TMC1: variants seen among roughly 807,000 people sequenced by gnomAD.
TMC1 encodes the protein transmembrane channel-like protein 1.
A neutral mutation model predicts 105.8 loss-of-function variants in TMC1; 84 were observed. The observed-to-expected ratio is 0.79, with a 90% CI of 0.67 to 0.95. The LOEUF (loss-of-function observed/expected upper bound fraction) is 0.95. TMC1 is among the 40% of genes least tolerant of loss of function. The probability of loss-of-function intolerance (pLI) is 0.00; values close to 1 mark genes in which losing one functional copy is unlikely to be tolerated. For missense variants in TMC1, 817 were observed against 914.1 expected (o/e 0.89, Z 1.37); for synonymous variants, 315 against 311.5 (o/e 1.01, Z -0.12).
chr9:72,617,742 A>G (rs1825158697), intron 3 of TMC1, among the ~76,000 whole-genome samples: 1 of 152,210 alleles, frequency 6.6e-6, no homozygotes, highest in Non-Finnish European at 1.5e-5. Flanking sequence ...ACTAATCGAG[A>G]CTGTGTGAAC....
rs79500850 is a variant in TMC1, at chr9:72,654,373, A to T, written c.16+5709A>T. Among the ~76,000 whole-genome samples, 344 of 152,340 alleles carry T rather than the reference A, an allele frequency of 2.3e-3. 3 individuals are homozygous for T. Among genetic ancestry groups the T allele is most frequent in the African/African-American group, 8.0e-3 (332 of 41,584 alleles). Reference sequence around the variant, plus strand: ...ACTTCTCTAATGACTAATGATGTTTAACATGCTTTTATATCTTCTTTTGTC... The same window carrying T: ...ACTTCTCTAATGACTAATGATGTTTTACATGCTTTTATATCTTCTTTTGTC... On this transcript the variant is annotated intron_variant, in intron 5 of 23. Transcript: ENST00000297784.
At chr9:72,547,282 T>C (rs1587949654) in intron 1 of TMC1, among the ~76,000 whole-genome samples, 1 of 114,920 alleles carries the variant, frequency 8.7e-6, no homozygotes, top group Non-Finnish European at 1.7e-5. Context: ...GCGAGACTCC[T>C]TCTCAAAAAA....
chr9:72,696,106 C>T (rs1588036338), intron 7 of TMC1, among the ~76,000 whole-genome samples: 2 of 152,228 alleles, frequency 1.3e-5, no homozygotes, highest in East Asian at 3.9e-4. Flanking sequence ...TGCTTTTCCT[C>T]TCTATTTATG....
chr9:72,763,224 C>G (rs560241603), intron 12 of TMC1, among the ~76,000 whole-genome samples: 2 of 150,782 alleles, frequency 1.3e-5, no homozygotes, highest in Non-Finnish European at 2.9e-5. Context: ...GCTATACTTA[C>G]AATATGAAAA....
chr9:72,610,082 T>C (rs933604401), intron 2 of TMC1, among the ~76,000 whole-genome samples: 2 of 152,218 alleles, frequency 1.3e-5, no homozygotes, highest in Non-Finnish European at 2.9e-5. Context: ...TACCACATAG[T>C]AGACATTTCA....
intron 4 of TMC1, among the ~76,000 whole-genome samples, chr9:72,647,217 T>C (rs1825729754): frequency 6.6e-6 from 1 of 151,900 alleles, no homozygotes; most frequent in Admixed American, 6.6e-5. Context: ...TTTTTTAGTT[T>C]TCTTTGAAAC....
intron 2 of TMC1, among the ~76,000 whole-genome samples, chr9:72,607,000 TATAG>T (rs958386778): frequency 4.7e-4 from 61 of 128,730 alleles, no homozygotes; most frequent in East Asian, 8.6e-4. Flanking sequence ...TATATATATA[TATAG>T]AGAGAGAGAG....
rs541668367 is a variant in TMC1 at position 72,772,141 on chromosome 9, T to G, written c.742-272T>G. On this transcript the variant is annotated intron_variant, in intron 12 of 23. Coordinates refer to ENST00000297784, the MANE Select transcript of TMC1 (RefSeq NM_138691.3). ...TTTTGATGTTTAAATCAAAGGGCAT[T>G]TCACGGTAATGGCTCCACAGCTGAG... is the stretch of plus-strand genomic sequence containing the variant. Among the ~76,000 whole-genome samples, 40 of 152,268 alleles carry G rather than the reference T, an allele frequency of 2.6e-4. 1 individual carries two copies. Among genetic ancestry groups the G allele is most frequent in the African/African-American group, 8.4e-4 (35 of 41,574 alleles).
chr9:72,568,543 A>G (rs1190580224), intron 1 of TMC1, among the ~76,000 whole-genome samples: 4 of 152,232 alleles, frequency 2.6e-5, no homozygotes, highest in Non-Finnish European at 4.4e-5. Flanking sequence ...GGTGAAGAGA[A>G]CATAGGCTCT....
chr9:72,531,242 C>T (rs535326017), intron 1 of TMC1, among the ~76,000 whole-genome samples: 21 of 152,216 alleles, frequency 1.4e-4, no homozygotes, highest in African/African-American at 5.1e-4. Context: ...CTGGAGTCTA[C>T]TTTTGTCTAC....
chr9:72,695,895 T>A (rs1826542084), intron 7 of TMC1, among the ~76,000 whole-genome samples: 1 of 152,190 alleles, frequency 6.6e-6, no homozygotes, highest in African/African-American at 2.4e-5. Context: ...TTATATCTGC[T>A]TTTAAAGTTT....
chr9:72,568,344 G>A (rs141802472), intron 1 of TMC1, among the ~76,000 whole-genome samples: 2 of 152,202 alleles, frequency 1.3e-5, no homozygotes, highest in East Asian at 3.9e-4. Flanking sequence ...TTTTGGCTCT[G>A]TCTAAATTCT....
chr9:72,645,504 T>C (rs538246775), intron 4 of TMC1, among the ~76,000 whole-genome samples: 1 of 152,296 alleles, frequency 6.6e-6, no homozygotes, highest in African/African-American at 2.4e-5. Flanking sequence ...GCAAAGATCA[T>C]GGCAACAGTT....
In TMC1 at chr9:72,656,124, AG is replaced by A. The variant is rs566607852; in HGVS notation, c.16+7461del. ...GGGATTTTACATTGCAGCTTGTTAGAGTGATTCGAATTCGGTGAATTGCCAT... is the reference window on the plus strand; with the variant it reads ...GGGATTTTACATTGCAGCTTGTTAGATGATTCGAATTCGGTGAATTGCCAT... On this transcript the variant is annotated intron_variant, in intron 5 of 23. Transcript: ENST00000297784. 180 of 654,188 alleles carry A rather than the reference AG, an allele frequency of 2.8e-4. No homozygotes were observed. In the African/African-American group the frequency reaches 2.9e-3, roughly 11 times the overall value. 40.5% of individuals were successfully genotyped at this position (654,188 alleles called of 1,614,324 possible). A position where few individuals can be genotyped will look rare whatever the true frequency, so the allele number is the denominator to read the frequency against.
At chr9:72,615,341 T>G (rs2132122829) in intron 2 of TMC1, among the ~76,000 whole-genome samples, 1 of 152,322 alleles carries the variant, frequency 6.6e-6, no homozygotes, top group Non-Finnish European at 1.5e-5. Flanking sequence ...TCAGTGATAC[T>G]GTTGGAATTT....
chr9:72,814,935 TG>T (rs1828759681), intron 18 of TMC1, among the ~76,000 whole-genome samples: 1 of 140,118 alleles, frequency 7.1e-6, no homozygotes. Flanking sequence ...TGTGTGTGTG[TG>T]TGTGTGTGTG....
At chr9:72,595,377 G>A (rs1168053698) in intron 2 of TMC1, among the ~76,000 whole-genome samples, 1 of 152,196 alleles carries the variant, frequency 6.6e-6, no homozygotes, top group Non-Finnish European at 1.5e-5. Flanking sequence ...TACAGCCACT[G>A]TTGGTGGGGG....
intron 8 of TMC1, among the ~76,000 whole-genome samples, chr9:72,726,727 A>G (rs968067477): frequency 6.6e-6 from 1 of 152,240 alleles, no homozygotes; most frequent in Admixed American, 6.5e-5. Context: ...TTCCAAGAGA[A>G]AAACTAAAGA....
chr9:72,832,862 T>A (rs999245926), intron 23 of TMC1, among the ~76,000 whole-genome samples: 1 of 152,142 alleles, frequency 6.6e-6, no homozygotes, highest in Non-Finnish European at 1.5e-5. Flanking sequence ...CATAATTCTA[T>A]AAGGCTTATC....
Sources: allele counts gnomAD v4.1 joint callset (sites outside exome capture counted in the v4.1 genomes callset), GRCh38; gene constraint gnomAD v4.1.1; transcripts MANE v1.5; gene names NCBI Gene and HGNC (gene_info 2026-07-23, HGNC 2026-07-21).